The following COL22A1 variants were observed in gnomAD, a reference collection of about 807,000 sequenced individuals.
COL22A1 encodes collagen alpha-1(XXII) chain.
COL22A1 carries 221 observed loss-of-function variants against 248.9 expected under a neutral mutation model. The ratio of observed to expected loss-of-function variants is 0.89; its 90% CI spans 0.80 to 0.99. The LOEUF (loss-of-function observed/expected upper bound fraction) is 0.99, where lower values mean the gene tolerates loss of function less well. COL22A1 is among the 50% of genes least tolerant of loss of function. The pLI is 0.00. For missense variants in COL22A1, 2,240 were observed against 2,179.0 expected (o/e 1.03, Z -0.56); for synonymous variants, 891 against 793.4 (o/e 1.12, Z -2.07).
chr8:138,867,002 G>A (rs1205295741), intron 3 of COL22A1, among the ~76,000 whole-genome samples: 1 of 152,132 alleles, frequency 6.6e-6, no homozygotes, highest in Admixed American at 6.5e-5. Context: ...GGGAGCTGGT[G>A]GCAGCAACTC....
chr8:138,632,746 A>G (rs1323719020), intron 49 of COL22A1, among the ~76,000 whole-genome samples: 1 of 152,186 alleles, frequency 6.6e-6, no homozygotes, highest in Non-Finnish European at 1.5e-5. Context: ...TATCACTTCT[A>G]CTAGGTAGGG....
At chr8:138,778,031 C>G (rs537200176) in intron 15 of COL22A1, 47 of 425,968 alleles carry the variant, frequency 1.1e-4, no homozygotes, top group African/African-American at 9.1e-4. Flanking sequence ...ACAGGACAGG[C>G]TGGGGAAAAT....
At chr8:138,674,889 C>A (rs1252152716) in intron 41 of COL22A1, among the ~76,000 whole-genome samples, 2 of 152,070 alleles carry the variant, frequency 1.3e-5, no homozygotes, top group East Asian at 1.9e-4. Flanking sequence ...CTATTGTGTT[C>A]TCTCGCTGCA....
chr8:138,812,944 C>A lies in COL22A1; in HGVS notation c.1321G>T (p.Gly441Cys). ...ELETCCDIPS[G>C]PCQVTVVTEP... ...CTGTGCGAGAGTCTGCTCACCGGAC[C>A]CGAGGGGATATCACAACAAGTCTCC... The change falls in exon 8 of 65, where the codon GGT (glycine) becomes TGT (cysteine). Residue 441 changes from glycine (G) to cysteine (C), a missense_variant. By Grantham distance (159) the Gly-to-Cys change is radical. Transcript: ENST00000303045. The A allele has an allele frequency of 6.2e-7, 1 of 1,612,712 alleles. No individual in the cohort carries two copies.
At chr8:138,684,328 G>A (rs1826179243) in intron 39 of COL22A1, 97 bp downstream of exon 39, 10 of 815,000 alleles carry the variant, frequency 1.2e-5, no homozygotes, top group East Asian at 2.4e-5. Flanking sequence ...ACATGGAAGT[G>A]GACTGAGGTA....
intron 41 of COL22A1, among the ~76,000 whole-genome samples, chr8:138,668,612 A>G (rs1223962982): frequency 6.6e-6 from 1 of 152,136 alleles, no homozygotes; most frequent in Non-Finnish European, 1.5e-5. Context: ...AGAATTGATC[A>G]CCTCTTTGTT....
chr8:138,805,532 CAT>C (rs747443060), intron 10 of COL22A1, among the ~76,000 whole-genome samples: 176 of 90,570 alleles, frequency 1.9e-3, no homozygotes, highest in Non-Finnish European at 3.1e-3. Flanking sequence ...TGTGTGATGG[CAT>C]GTGTGTGATG....
rs868864049 is a variant in COL22A1 at position 138,692,391 on chromosome 8, G to A, written c.2754+1255C>T. Among the ~76,000 whole-genome samples the A allele has an allele frequency of 8.0e-5, 12 of 150,518 alleles. No homozygotes were observed. The East Asian group carries it at 1.2e-3, about 15-fold the overall frequency. ...GTTTGTGGACATGTGTATTGTGCAC[G>A]TATGTACATGTGTGTGTATGTGTGT... On this transcript the variant is annotated intron_variant, in intron 35 of 64. Coordinates refer to ENST00000303045, the MANE Select transcript of COL22A1 (RefSeq NM_152888.3).
At chr8:138,725,532 CAGG>C in intron 23 of COL22A1, 92 bp from the exon 24 acceptor site, 4 of 995,422 alleles carry the variant, frequency 4.0e-6, no homozygotes, top group Non-Finnish European at 4.5e-6. Context: ...GGGAAGGGGA[CAGG>C]AGGATGAGGT....
chr8:138,672,596 C>T (rs1175964114), intron 41 of COL22A1, among the ~76,000 whole-genome samples: 1 of 152,112 alleles, frequency 6.6e-6, no homozygotes, highest in Non-Finnish European at 1.5e-5. Flanking sequence ...TGATGTAAGG[C>T]ATCAGTACAA....
chr8:138,590,876 C>T (rs973760016), intron 64 of COL22A1, among the ~76,000 whole-genome samples: 2 of 152,170 alleles, frequency 1.3e-5, no homozygotes, highest in African/African-American at 4.8e-5. Flanking sequence ...ATCCTCTGTT[C>T]CCAGAAACAT....
At chr8:138,726,904 G>T (rs1393071942) in intron 23 of COL22A1, among the ~76,000 whole-genome samples, 1 of 152,142 alleles carries the variant, frequency 6.6e-6, no homozygotes, top group East Asian at 1.9e-4. Flanking sequence ...GACGTGTATG[G>T]TCACACGTGT....
At chr8:138,761,829 C>T (rs1833508026) in intron 17 of COL22A1, among the ~76,000 whole-genome samples, 1 of 152,158 alleles carries the variant, frequency 6.6e-6, no homozygotes, top group African/African-American at 2.4e-5. Context: ...CTGGGGGCAA[C>T]CAAGCAGCAA....
intron 7 of COL22A1, among the ~76,000 whole-genome samples, chr8:138,815,082 G>A (rs964220074): frequency 6.6e-6 from 1 of 152,146 alleles, no homozygotes; most frequent in Non-Finnish European, 1.5e-5. Context: ...TCTCTTGCCT[G>A]TTGCCATGTA....
At chr8:138,722,286 A>C in intron 25 of COL22A1, 197 bp from the exon 26 acceptor site, 1 of 586,192 alleles carries the variant, frequency 1.7e-6, no homozygotes, top group Non-Finnish European at 3.1e-6. Context: ...TTACTACTGA[A>C]GCAAATATCA....
chr8:138,640,663 A>G (rs1821602961), intron 47 of COL22A1, among the ~76,000 whole-genome samples: 1 of 152,096 alleles, frequency 6.6e-6, no homozygotes. Flanking sequence ...GTTGTTGTTA[A>G]CTCAAATGAA....
intron 10 of COL22A1, among the ~76,000 whole-genome samples, chr8:138,803,602 G>A (rs1817194360): frequency 6.6e-6 from 1 of 151,976 alleles, no homozygotes; most frequent in African/African-American, 2.4e-5. Context: ...TGTATAACAA[G>A]TCCATCCCTG....
rs145054283 is a variant in COL22A1, at chr8:138,688,359, A to G, written c.2862+558T>C. Among the ~76,000 whole-genome samples the G allele has an allele frequency of 5.2e-3, 791 of 152,186 alleles. 8 individuals carry two copies. Among genetic ancestry groups the G allele is most frequent in the African/African-American group, 0.018 (737 of 41,528 alleles). On this transcript the variant is annotated intron_variant, in intron 37 of 64. Coordinates refer to ENST00000303045, the MANE Select transcript of COL22A1 (RefSeq NM_152888.3). ...AACATGGTAAAACCCCGTCTCTGCA[A>G]AAAATACAAAAATTAGCCAGGCATG...
intron 23 of COL22A1, among the ~76,000 whole-genome samples, chr8:138,731,895 T>G (rs1830737932): frequency 6.6e-6 from 1 of 152,210 alleles, no homozygotes; most frequent in Non-Finnish European, 1.5e-5. Flanking sequence ...TGGACCAATC[T>G]TCTTTGGCCT....
Sources: gnomAD v4.1 joint callset for allele counts (sites outside exome capture counted in the v4.1 genomes callset) on GRCh38, gnomAD v4.1.1 for gene constraint, MANE v1.5 for transcripts, NCBI Gene and HGNC (gene_info 2026-07-23, HGNC 2026-07-21) for gene names.